Variants in FLT3LG observed in about 807,000 individuals in gnomAD.
FLT3LG encodes the protein fms related receptor tyrosine kinase 3 ligand.
In FLT3LG, 8 loss-of-function variants were observed where a neutral mutation model predicts 30.9. That is an observed-to-expected ratio of 0.26 (90% CI 0.15 to 0.47). The LOEUF (loss-of-function observed/expected upper bound fraction) is 0.47, where lower values mean the gene tolerates loss of function less well. FLT3LG is among the 20% of genes least tolerant of loss of function. The pLI, the probability that FLT3LG is intolerant of heterozygous loss-of-function variation, is 0.99. For missense variants in FLT3LG, 278 were observed against 306.2 expected (o/e 0.91, Z 0.69); for synonymous variants, 123 against 135.9 (o/e 0.91, Z 0.66).
intron 8 of FLT3LG, chr19:49,482,325 C>T (rs8108781): frequency 0.03 from 4,556 of 151,752 alleles, 241 homozygotes; most frequent in African/African-American, 0.1. Context: ...GGGGTTTCAC[C>T]ATGTTGGCCA....
chr19:49,475,366 G>C (rs1427108196), intron 2 of FLT3LG, among the ~76,000 whole-genome samples: 1 of 151,826 alleles, frequency 6.6e-6, no homozygotes, highest in Non-Finnish European at 1.5e-5. Flanking sequence ...AGAAGGCAGA[G>C]GGAGGGACAG....
At position 49,480,292 on chromosome 19, in the gene FLT3LG, C is replaced by A; in HGVS notation, c.482-6C>A. On this transcript the variant is annotated splice_region_variant and splice_polypyrimidine_tract_variant and intron_variant, in intron 6 of 8. Coordinates refer to ENST00000597551, the MANE Select transcript of FLT3LG (RefSeq NM_001459.4). ...CTTGGTCACCCAGCCTCCTCTTTCT[C>A]CCCAGACTCCTCAACCCTGCCACCC... is the stretch of plus-strand genomic sequence containing the variant. 1 of 1,578,580 alleles carries A rather than the reference C, an allele frequency of 6.3e-7. No individual in the cohort carries two copies. The highest frequency in any genetic ancestry group is 8.6e-7 in the Non-Finnish European group (1 of 1,157,266).
At chr19:49,478,072 TG>T in intron 5 of FLT3LG, among the ~76,000 whole-genome samples, 1 of 151,368 alleles carries the variant, frequency 6.6e-6, no homozygotes, top group South Asian at 2.1e-4. Context: ...AAAGTAACTT[TG>T]GGAGGCCGAG....
At position 49,476,051 on chromosome 19, in the gene FLT3LG, C is replaced by T; in HGVS notation, c.145-94C>T. On this transcript the variant is annotated intron_variant, in intron 3 of 8. Coordinates refer to ENST00000597551, the MANE Select transcript of FLT3LG (RefSeq NM_001459.4). This position sits in a 1 kb window ranked among gnomAD's most constrained non-coding sequence, Gnocchi z 5.3. ...TGGGCTCCCCCTCTCTTGGTCTTGT[C>T]CCTCTCTCTCTGGATCTCTGCTGCC... 1 of 1,414,726 alleles carries T rather than the reference C, an allele frequency of 7.1e-7. No homozygotes were observed. Among genetic ancestry groups the T allele is most frequent in the Non-Finnish European group, 1.0e-6 (1 of 1,001,218 alleles). 87.6% of individuals were successfully genotyped at this position (1,414,726 alleles called of 1,614,324 possible).
intron 5 of FLT3LG, among the ~76,000 whole-genome samples, 187 bp from the exon 6 acceptor site, chr19:49,478,722 A>G (rs1325412154): frequency 1.3e-5 from 2 of 151,944 alleles, no homozygotes; most frequent in African/African-American, 2.4e-5. Context: ...GCATTTCACC[A>G]CTCCAGCCTG....
chr19:49,478,309 T>C (rs1370536997), intron 5 of FLT3LG, among the ~76,000 whole-genome samples: 1 of 149,530 alleles, frequency 6.7e-6, no homozygotes, highest in Non-Finnish European at 1.5e-5. Context: ...CTACTAAAAA[T>C]ACAAACAATT....
At chr19:49,474,380 G>A (rs2042061055) in intron 1 of FLT3LG, 99 bp downstream of exon 1, 16 of 582,044 alleles carry the variant, frequency 2.7e-5, no homozygotes, top group Middle Eastern at 4.6e-4. Flanking sequence ...GGGTTCCCGG[G>A]TCCCTAACCT....
At chr19:49,480,831 A>C (rs1294571290) in intron 8 of FLT3LG, 2 of 569,386 alleles carry the variant, frequency 3.5e-6, no homozygotes, top group African/African-American at 3.8e-5. Context: ...CAGGAGTTCA[A>C]GACCAGCCTG....
At position 49,476,058 on chromosome 19, in the gene FLT3LG, T is replaced by C; in HGVS notation, c.145-87T>C. The C allele has an allele frequency of 6.9e-7, 1 of 1,453,484 alleles. No individual in the cohort carries two copies. The highest frequency in any genetic ancestry group is 9.7e-7 in the Non-Finnish European group (1 of 1,035,462). The allele number at this position is 1,453,484 out of a possible 1,614,324, so 90.0% of individuals were successfully genotyped here. On this transcript the variant is annotated intron_variant, in intron 3 of 8. Coordinates refer to ENST00000597551, the MANE Select transcript of FLT3LG (RefSeq NM_001459.4). The surrounding 1 kb of genome is among the most constrained non-coding windows in gnomAD (Gnocchi z 5.3). The stretch of plus-strand genomic sequence containing the variant: ...CCCCTCTCTTGGTCTTGTCCCTCTC[T>C]CTCTGGATCTCTGCTGCCACCTCTG...
At chr19:49,477,665 C>A (rs1180720152) in intron 5 of FLT3LG, among the ~76,000 whole-genome samples, 1 of 151,922 alleles carries the variant, frequency 6.6e-6, no homozygotes, top group Non-Finnish European at 1.5e-5. Flanking sequence ...TTGCTTGAAC[C>A]CAGGAGGCAG....
At chr19:49,484,595 C>T (rs1213002870) in intron 8 of FLT3LG, among the ~76,000 whole-genome samples, 1 of 151,998 alleles carries the variant, frequency 6.6e-6, no homozygotes, top group Non-Finnish European at 1.5e-5. Flanking sequence ...CTCCCGGGTT[C>T]AAGCGATTCT....
At chr19:49,478,098 T>G (rs965869167) in intron 5 of FLT3LG, among the ~76,000 whole-genome samples, 1 of 147,110 alleles carries the variant, frequency 6.8e-6, no homozygotes. Flanking sequence ...GCGAGTCACC[T>G]GAGGTCAGGA....
rs774256561 is a variant in FLT3LG, at chr19:49,476,417, C to T, written c.199-6C>T. The T allele has an allele frequency of 5.6e-6, 9 of 1,611,740 alleles. No individual in the cohort carries two copies. The highest frequency in any genetic ancestry group is 7.6e-6 in the Non-Finnish European group (9 of 1,179,188). ...CTCCCTCAGACCCGTGGGTTCTCCC[C>T]TCTAGGAGGAGCTCTGCGGGGGCCT... On this transcript the variant is annotated splice_polypyrimidine_tract_variant and splice_region_variant and intron_variant, in intron 4 of 8. Transcript: ENST00000597551. This position sits in a 1 kb window ranked among gnomAD's most constrained non-coding sequence, Gnocchi z 5.3.
intron 8 of FLT3LG, 160 bp from the exon 9 acceptor site, chr19:49,485,855 T>G (rs988441924): frequency 6.6e-6 from 1 of 152,236 alleles, no homozygotes; most frequent in Non-Finnish European, 1.5e-5. Flanking sequence ...CACGTTCTCT[T>G]GGACAGCAAT....
At chr19:49,485,157 C>T (rs900863380) in intron 8 of FLT3LG, among the ~76,000 whole-genome samples, 6 of 143,512 alleles carry the variant, frequency 4.2e-5, no homozygotes, top group East Asian at 1.9e-4. Flanking sequence ...AGTAGTGCAC[C>T]GGCCCCATCT....
chr19:49,474,689 GA>G lies in FLT3LG; in HGVS notation c.33+18del. 6.2e-7 allele frequency: 1 copy of G among 1,611,240 alleles called. No individual in the cohort carries two copies. The highest frequency in any genetic ancestry group is 8.5e-7 in the Non-Finnish European group (1 of 1,179,228). Reference sequence around the variant, plus strand: ...AGCCCAACAGTGCGTAAACCCCAGGGACAAGATCAGGGGAGAGGGGAGGCAC... The same window carrying G: ...AGCCCAACAGTGCGTAAACCCCAGGGCAAGATCAGGGGAGAGGGGAGGCAC... On this transcript the variant is annotated intron_variant, in intron 2 of 8. Coordinates refer to ENST00000597551, the MANE Select transcript of FLT3LG (RefSeq NM_001459.4).
At position 49,476,463 on chromosome 19, in the gene FLT3LG, A is replaced by G; in HGVS notation, c.239A>G (p.Gln80Arg). 2 of 1,614,006 alleles carry G rather than the reference A, an allele frequency of 1.2e-6. No homozygotes were observed. Among genetic ancestry groups the G allele is most frequent in the Non-Finnish European group, 1.7e-6 (2 of 1,179,994 alleles). The change falls in exon 5 of 9, where the codon CAG becomes CGG. Residue 80 changes from glutamine (Q) to arginine (R), a missense_variant. Gln to Arg is a conservative substitution (Grantham distance 43). Coordinates refer to ENST00000597551, the MANE Select transcript of FLT3LG (RefSeq NM_001459.4). The surrounding 1 kb of genome is among the most constrained non-coding windows in gnomAD (Gnocchi z 5.3). The part of the protein sequence containing the change: ...CGGLWRLVLA[Q>R]RWMERLKTVA... Reference sequence around the variant, plus strand: ...GGCCTCTGGCGGCTGGTCCTGGCACAGCGCTGGATGGAGCGGCTCAAGACT... The same window carrying G: ...GGCCTCTGGCGGCTGGTCCTGGCACGGCGCTGGATGGAGCGGCTCAAGACT...
intron 8 of FLT3LG, chr19:49,482,319 T>A (rs1601125826): frequency 6.6e-6 from 1 of 150,990 alleles, no homozygotes; most frequent in African/African-American, 2.4e-5. Flanking sequence ...AGAGACGGGG[T>A]TTCACCATGT....
chr19:49,475,850 C>T, intron 3 of FLT3LG, 49 bp downstream of exon 3: 1 of 1,330,218 alleles, frequency 7.5e-7, no homozygotes, highest in Non-Finnish European at 1.0e-6. Context: ...CTTCCCCCCA[C>T]TTTTTTTTTT....
Sources: gnomAD v4.1 joint callset for allele counts (sites outside exome capture counted in the v4.1 genomes callset) on GRCh38, gnomAD v4.1.1 for gene constraint, Gnocchi (gnomAD v3.1) non-coding constraint, MANE v1.5 for transcripts, NCBI Gene and HGNC (gene_info 2026-07-23, HGNC 2026-07-21) for gene names.